ZNF280D: variants seen among roughly 807,000 people sequenced by gnomAD.
ZNF280D encodes zinc finger protein 280D.
A neutral mutation model predicts 94.7 loss-of-function variants in ZNF280D; 39 were observed. The ratio of observed to expected loss-of-function variants is 0.41; its 90% CI spans 0.32 to 0.54. The LOEUF (loss-of-function observed/expected upper bound fraction) is 0.54, where lower values mean the gene tolerates loss of function less well. Among genes scored for constraint, ZNF280D ranks in the 20% least tolerant of loss-of-function variants. The pLI is 0.22. For missense variants in ZNF280D, 1,090 were observed against 1,149.3 expected (o/e 0.95, Z 0.75); for synonymous variants, 398 against 377.6 (o/e 1.05, Z -0.63).
intron 16 of ZNF280D, among the ~76,000 whole-genome samples, chr15:56,662,685 C>T (rs1272956024): frequency 6.6e-6 from 1 of 151,708 alleles, no homozygotes; most frequent in Non-Finnish European, 1.5e-5. Context: ...ATTAGCTGGG[C>T]ATGTTGGCGG....
At position 56,695,400 on chromosome 15, in the gene ZNF280D, C is replaced by A. The variant is rs1357543888; in HGVS notation, c.382-2185G>T. Reference sequence around the variant, plus strand: ...TTCACCCCCTTTTATCTAATTATTCCATTTTTAAGAATTTATGGTAATGAA... The same window carrying A: ...TTCACCCCCTTTTATCTAATTATTCAATTTTTAAGAATTTATGGTAATGAA... On this transcript the variant is annotated intron_variant, in intron 6 of 21. Transcript: ENST00000267807. Among the ~76,000 whole-genome samples, 5 of 151,932 alleles carry A rather than the reference C, an allele frequency of 3.3e-5. No individual in the cohort carries two copies. The South Asian group carries it at 8.3e-4, about 25-fold the overall frequency.
chr15:56,647,519 A>G (rs1257283990), intron 19 of ZNF280D, among the ~76,000 whole-genome samples: 1 of 152,024 alleles, frequency 6.6e-6, no homozygotes, highest in African/African-American at 2.4e-5. Flanking sequence ...ACACAATTCC[A>G]ACCACAACTT....
Position 56,632,130 on chromosome 15 carries a change from AT to A in ZNF280D, c.2316-9del, listed in dbSNP as rs2052106254. On this transcript the variant is annotated splice_polypyrimidine_tract_variant and intron_variant, in intron 21 of 21. Coordinates refer to ENST00000267807, the MANE Select transcript of ZNF280D (RefSeq NM_017661.4). Reference sequence around the variant, plus strand: ...GCAGCTTTATCTTGTTTACTGAAAAATAAAGTCATTTATTATGTATTTCTTC... The same window carrying A: ...GCAGCTTTATCTTGTTTACTGAAAAAAAAGTCATTTATTATGTATTTCTTC... The A allele has an allele frequency of 9.7e-6, 15 of 1,546,694 alleles. No individual in the cohort carries two copies. Among genetic ancestry groups the A allele is most frequent in the Non-Finnish European group, 1.2e-5 (14 of 1,151,346 alleles).
chr15:56,678,961 G>C, intron 10 of ZNF280D, 140 bp from the exon 11 acceptor site: 1 of 707,762 alleles, frequency 1.4e-6, no homozygotes, highest in Non-Finnish European at 2.1e-6. Context: ...GCCTAGGAAA[G>C]TATGCACTTT....
At chr15:56,689,893 TAG>T (rs1327123361) in intron 7 of ZNF280D, among the ~76,000 whole-genome samples, 1 of 152,204 alleles carries the variant, frequency 6.6e-6, no homozygotes, top group Non-Finnish European at 1.5e-5. Flanking sequence ...TTCAAAAATT[TAG>T]AGATACTCTT....
intron 20 of ZNF280D, among the ~76,000 whole-genome samples, chr15:56,642,649 AG>A (rs1192281792): frequency 6.6e-6 from 1 of 151,778 alleles, no homozygotes; most frequent in African/African-American, 2.4e-5. Flanking sequence ...CAAATGATTG[AG>A]GTTTTACTGA....
chr15:56,729,216 T>C (rs1462372411), intron 1 of ZNF280D, among the ~76,000 whole-genome samples: 10 of 152,192 alleles, frequency 6.6e-5, no homozygotes, highest in Non-Finnish European at 1.5e-4. Context: ...GATTGATATA[T>C]ACGAAATGAC....
chr15:56,652,906 G>A, intron 19 of ZNF280D: 2 of 980,496 alleles, frequency 2.0e-6, no homozygotes, highest in South Asian at 9.4e-5. Flanking sequence ...GAAATCTCTT[G>A]GAGTTCTTAA....
At chr15:56,685,834 T>C (rs185716585) in intron 9 of ZNF280D, among the ~76,000 whole-genome samples, 1 of 152,102 alleles carries the variant, frequency 6.6e-6, no homozygotes, top group African/African-American at 2.4e-5. Flanking sequence ...AAGAAAAATT[T>C]TAACAGAACT....
At chr15:56,732,356 A>G (rs918265011) in intron 1 of ZNF280D, among the ~76,000 whole-genome samples, 20 of 152,202 alleles carry the variant, frequency 1.3e-4, no homozygotes, top group African/African-American at 4.8e-4. Flanking sequence ...TAGTGATGTT[A>G]AAACATCAGA....
chr15:56,722,632 G>T (rs534098207), intron 1 of ZNF280D, among the ~76,000 whole-genome samples: 4 of 152,086 alleles, frequency 2.6e-5, no homozygotes, highest in Non-Finnish European at 4.4e-5. Context: ...TGTTGGTGGG[G>T]CTGTAAACTA....
At chr15:56,716,088 T>C (rs2058029892) in intron 1 of ZNF280D, among the ~76,000 whole-genome samples, 2 of 152,148 alleles carry the variant, frequency 1.3e-5, no homozygotes, top group African/African-American at 4.8e-5. Context: ...AATTCTGCTA[T>C]CCACTGGGGT....
intron 9 of ZNF280D, among the ~76,000 whole-genome samples, chr15:56,687,247 G>T (rs1000305016): frequency 1.3e-5 from 2 of 151,976 alleles, no homozygotes; most frequent in African/African-American, 2.4e-5. Flanking sequence ...CAATGACAGA[G>T]ATACTTTCCT....
chr15:56,637,667 A>G (rs2052421847), intron 20 of ZNF280D, among the ~76,000 whole-genome samples: 1 of 152,186 alleles, frequency 6.6e-6, no homozygotes, highest in South Asian at 2.1e-4. Context: ...GGACACCTGG[A>G]GAATCCAAGC....
At chr15:56,700,126 C>T (rs2056972166) in intron 6 of ZNF280D, 14 of 934,446 alleles carry the variant, frequency 1.5e-5, no homozygotes, top group Non-Finnish European at 1.8e-5. Context: ...GGATTGCAAA[C>T]TACAATCTGA....
chr15:56,732,394 C>T (rs576780683), intron 1 of ZNF280D, among the ~76,000 whole-genome samples: 1 of 152,334 alleles, frequency 6.6e-6, no homozygotes, highest in South Asian at 2.1e-4. Context: ...ATGGTATAAG[C>T]AAACCAGTGC....
chr15:56,644,869 T>C (rs183158593), intron 19 of ZNF280D, among the ~76,000 whole-genome samples: 2 of 152,292 alleles, frequency 1.3e-5, no homozygotes, highest in African/African-American at 4.8e-5. Flanking sequence ...GTTATTGAAA[T>C]AACTTGCATT....
chr15:56,700,803 T>G, intron 6 of ZNF280D, 130 bp downstream of exon 6: 1 of 1,558,840 alleles, frequency 6.4e-7, no homozygotes, highest in South Asian at 1.2e-5. Flanking sequence ...GGTGACATTT[T>G]CTGATGCTAA....
intron 1 of ZNF280D, among the ~76,000 whole-genome samples, chr15:56,708,643 C>G (rs777360170): frequency 6.6e-6 from 1 of 152,258 alleles, no homozygotes; most frequent in Middle Eastern, 3.4e-3. Flanking sequence ...CAGCATGGTA[C>G]TGGTACCAAA....
Sources: gnomAD v4.1 joint callset for allele counts (sites outside exome capture counted in the v4.1 genomes callset) on GRCh38, gnomAD v4.1.1 for gene constraint, MANE v1.5 for transcripts, NCBI Gene and HGNC (gene_info 2026-07-23, HGNC 2026-07-21) for gene names.